The following RDH10 variants were observed in gnomAD, a reference collection of about 807,000 sequenced individuals.
RDH10 encodes retinol dehydrogenase 10 (all-trans).
Under a neutral mutation model 30.2 loss-of-function variants are expected in RDH10, and 12 were observed. The ratio of observed to expected loss-of-function variants is 0.40; its 90% CI spans 0.25 to 0.64. The LOEUF is 0.64. Among genes scored for constraint, RDH10 ranks in the 30% least tolerant of loss-of-function variants. The pLI, the probability that RDH10 is intolerant of heterozygous loss-of-function variation, is 0.43. For missense variants in RDH10, 268 were observed against 445.2 expected, an observed-to-expected ratio of 0.60 and a Z score of 3.58; for synonymous variants, 189 against 172.2, an observed-to-expected ratio of 1.10 and a Z score of -0.76.
In RDH10 at chr8:73,323,076, A is replaced by T. The variant is rs750927588; in HGVS notation, c.*40A>T. The T allele has an allele frequency of 6.5e-7, 1 of 1,539,228 alleles. No individual in the cohort carries two copies. Among genetic ancestry groups the T allele is most frequent in the East Asian group, 2.3e-5 (1 of 44,320 alleles). ...GGAATATTACTTCTATCAGAAGATG[A>T]TCAAGATGTTTCAGTCCAGTGCACA... On this transcript the variant is annotated 3_prime_UTR_variant, in exon 6 of 6. Transcript: ENST00000240285.
chr8:73,322,763 C>A lies in RDH10; in HGVS notation c.855C>A (p.Pro285=). ...TGAAGGCCATCCTCACTGACCAGCC[C>A]ATGATCTGCACTCCCCGCCTCATGT... The part of the protein sequence containing the change: ...QAMKAILTDQ[P]MICTPRLMYI... Residue 285 remains proline (P), a synonymous_variant, in exon 5 of 6, where the codon CCC becomes CCA. Coordinates refer to ENST00000240285, the MANE Select transcript of RDH10 (RefSeq NM_172037.5). The A allele has an allele frequency of 1.2e-6, 2 of 1,614,136 alleles. No homozygotes were observed. The highest frequency in any genetic ancestry group is 1.7e-6 in the Non-Finnish European group (2 of 1,179,984).
intron 2 of RDH10, among the ~76,000 whole-genome samples, chr8:73,308,344 A>G: frequency 6.6e-6 from 1 of 152,228 alleles, no homozygotes; most frequent in Non-Finnish European, 1.5e-5. Flanking sequence ...ATGGATTTTC[A>G]AAATTGTGCA....
chr8:73,298,691 C>T (rs1478209126), intron 2 of RDH10, among the ~76,000 whole-genome samples: 1 of 152,052 alleles, frequency 6.6e-6, no homozygotes, highest in Non-Finnish European at 1.5e-5. Flanking sequence ...CCACACCTGG[C>T]TAATTTTTTG....
intron 2 of RDH10, among the ~76,000 whole-genome samples, chr8:73,307,955 G>A (rs529134958): frequency 1.3e-5 from 2 of 152,272 alleles, no homozygotes; most frequent in South Asian, 2.1e-4. Context: ...ATTTTATTAC[G>A]AAAGCCCAAC....
At chr8:73,298,264 G>A (rs1026021340) in intron 2 of RDH10, among the ~76,000 whole-genome samples, 7 of 152,044 alleles carry the variant, frequency 4.6e-5, no homozygotes, top group Non-Finnish European at 8.8e-5. Flanking sequence ...AGACAGATAC[G>A]ATTCAATAAA....
At position 73,323,863 on chromosome 8, in the gene RDH10, G is replaced by C. The variant is rs1814814425; in HGVS notation, c.*827G>C. The C allele has an allele frequency of 6.6e-6, 1 of 152,202 alleles. No homozygotes were observed. The highest frequency in any genetic ancestry group is 2.4e-5 in the African/African-American group (1 of 41,412). 9.4% of individuals were successfully genotyped at this position (152,202 alleles called of 1,614,324 possible). A position where few individuals can be genotyped will look rare whatever the true frequency, so the allele number is the denominator to read the frequency against. ...GACGGGGTTTCACCATGTTGGTCAGGATGGTCTCCATCTCTTGACATTGTG... is the reference window on the plus strand; with the variant it reads ...GACGGGGTTTCACCATGTTGGTCAGCATGGTCTCCATCTCTTGACATTGTG... On this transcript the variant is annotated 3_prime_UTR_variant, in exon 6 of 6. Transcript: ENST00000240285.
At position 73,318,044 on chromosome 8, in the gene RDH10, G is replaced by A. The variant is rs536617435; in HGVS notation, c.526-1052G>A. 2.6e-5 allele frequency among the ~76,000 whole-genome samples: 4 copies of A among 151,758 alleles called. No individual in the cohort carries two copies. The South Asian group carries it at 8.3e-4, about 32-fold the overall frequency. Reference sequence around the variant, plus strand: ...AGCTCTTCCTTAAGTCTGCTTTGTAGTGTTTGGTTGTGTGGGTTTTTTTAA... The same window carrying A: ...AGCTCTTCCTTAAGTCTGCTTTGTAATGTTTGGTTGTGTGGGTTTTTTTAA... On this transcript the variant is annotated intron_variant, in intron 2 of 5. Coordinates refer to ENST00000240285, the MANE Select transcript of RDH10 (RefSeq NM_172037.5).
intron 2 of RDH10, among the ~76,000 whole-genome samples, chr8:73,308,515 C>T (rs1356737411): frequency 1.3e-5 from 2 of 152,164 alleles, no homozygotes; most frequent in African/African-American, 2.4e-5. Context: ...AGGTAAGTGC[C>T]AAGGCTGACG....
chr8:73,320,654 T>C (rs1214253413), intron 3 of RDH10, among the ~76,000 whole-genome samples: 1 of 151,992 alleles, frequency 6.6e-6, no homozygotes, highest in African/African-American at 2.4e-5. Context: ...GTATTTTTAG[T>C]AGAGGCGGGG....
chr8:73,312,757 T>A (rs6472765), intron 2 of RDH10: 1 of 152,104 alleles, frequency 6.6e-6, no homozygotes. Context: ...CTTAAGCATA[T>A]GTGAGAAAAC....
At chr8:73,307,193 AGGT>A (rs1460885379) in intron 2 of RDH10, among the ~76,000 whole-genome samples, 2 of 152,214 alleles carry the variant, frequency 1.3e-5, no homozygotes, top group Non-Finnish European at 2.9e-5. Context: ...AGGATTAGAA[AGGT>A]GGTGGTGTTG....
At chr8:73,301,493 C>A (rs551372884) in intron 2 of RDH10, among the ~76,000 whole-genome samples, 1 of 152,006 alleles carries the variant, frequency 6.6e-6, no homozygotes, top group South Asian at 2.1e-4. Flanking sequence ...CACGGTGGCT[C>A]ACACCTGTAA....
intron 1 of RDH10, chr8:73,295,887 G>C: frequency 8.4e-7 from 1 of 1,186,678 alleles, no homozygotes; most frequent in East Asian, 4.2e-5. Flanking sequence ...CCACAGGTTT[G>C]GATCCCAAAG....
At chr8:73,303,125 C>T (rs1344185563) in intron 2 of RDH10, among the ~76,000 whole-genome samples, 1 of 152,152 alleles carries the variant, frequency 6.6e-6, no homozygotes, top group Non-Finnish European at 1.5e-5. Flanking sequence ...CTGAATTAAG[C>T]ATTTATCTAT....
At position 73,324,937 on chromosome 8, in the gene RDH10, T is replaced by G. The variant is rs1203821314; in HGVS notation, c.*1901T>G. ...TGTTTCCATTTCTCTTTATCAAAGA[T>G]AACCAAACCTTATGGCCCTTATAAC... On this transcript the variant is annotated 3_prime_UTR_variant, in exon 6 of 6. Coordinates refer to ENST00000240285, the MANE Select transcript of RDH10 (RefSeq NM_172037.5). 2 of 152,196 alleles carry G rather than the reference T, an allele frequency of 1.3e-5. No individual in the cohort carries two copies. The highest frequency in any genetic ancestry group is 4.8e-5 in the African/African-American group (2 of 41,442). 9.4% of individuals were successfully genotyped at this position (152,196 alleles called of 1,614,324 possible).
At position 73,297,441 on chromosome 8, in the gene RDH10, C is replaced by T. The variant is rs1814286650; in HGVS notation, c.525+12C>T. ...ATGCACACTTCTGGGTAAATATAAA[C>T]ATCCTTGTTTTCTTTGCTGGGCCCT... On this transcript the variant is annotated intron_variant, in intron 2 of 5. Transcript: ENST00000240285. 6.4e-7 allele frequency: 1 copy of T among 1,571,956 alleles called. No homozygotes were observed. Among genetic ancestry groups the T allele is most frequent in the Non-Finnish European group, 8.8e-7 (1 of 1,141,666 alleles).
chr8:73,298,338 C>G (rs1456497080), intron 2 of RDH10, among the ~76,000 whole-genome samples: 1 of 151,978 alleles, frequency 6.6e-6, no homozygotes, highest in Non-Finnish European at 1.5e-5. Context: ...TCTAATAGAA[C>G]ACAACAAAGA....
intron 2 of RDH10, among the ~76,000 whole-genome samples, chr8:73,317,863 T>C (rs60175489): frequency 0.023 from 3,439 of 151,898 alleles, 126 homozygotes; most frequent in African/African-American, 0.08. Flanking sequence ...GAGGCTGCAG[T>C]GAGCTATGAT....
intron 2 of RDH10, among the ~76,000 whole-genome samples, chr8:73,309,847 A>C (rs944703923): frequency 6.6e-6 from 1 of 152,110 alleles, no homozygotes; most frequent in African/African-American, 2.4e-5. Context: ...TGCTGCTGGC[A>C]TCTAGTGGAG....
Sources: allele counts gnomAD v4.1 joint callset (sites outside exome capture counted in the v4.1 genomes callset), GRCh38; gene constraint gnomAD v4.1.1; transcripts MANE v1.5; gene names NCBI Gene and HGNC (gene_info 2026-07-23, HGNC 2026-07-21).